Variants in NCBP1 observed in about 807,000 individuals in gnomAD.
NCBP1 encodes nuclear cap-binding protein subunit 1.
In NCBP1, 16 loss-of-function variants were observed where a neutral mutation model predicts 111.7. The observed-to-expected ratio is 0.14, with a 90% CI of 0.10 to 0.22. NCBP1 has a LOEUF of 0.22. NCBP1 is among the 10% of genes least tolerant of loss of function. NCBP1 has a pLI of 1.00. For missense variants in NCBP1, 607 were observed against 957.5 expected, an observed-to-expected ratio of 0.63 and a Z score of 4.83; for synonymous variants, 304 against 314.3, an observed-to-expected ratio of 0.97 and a Z score of 0.35.
At chr9:97,659,157 T>C (rs1827756227) in intron 15 of NCBP1, among the ~76,000 whole-genome samples, 1 of 152,262 alleles carries the variant, frequency 6.6e-6, no homozygotes. Context: ...TTTTCTTACC[T>C]TTTGGTCACA....
rs140571516 is a variant in NCBP1, at chr9:97,646,934, T to C, written c.612-558T>C. On this transcript the variant is annotated intron_variant, in intron 6 of 22. Coordinates refer to ENST00000375147, the MANE Select transcript of NCBP1 (RefSeq NM_002486.5). ...TGATAGCCCAATATACACACTGTTC[T>C]TCACTTGGCTTTTTTTTTTTTTCTT... is the stretch of plus-strand genomic sequence containing the variant. Among the ~76,000 whole-genome samples the C allele has an allele frequency of 8.3e-3, 1,246 of 150,494 alleles. 19 individuals carry two copies. Among genetic ancestry groups the C allele is most frequent in the African/African-American group, 0.028 (1,162 of 41,186 alleles).
In NCBP1 at chr9:97,636,488, A is replaced by ATATAAATTTATATTTATATAT. The variant is rs34147906; in HGVS notation, c.34+2599_34+2619dup. 2.9e-4 allele frequency among the ~76,000 whole-genome samples: 42 copies of ATATAAATTTATATTTATATAT among 143,724 alleles called. No individual in the cohort carries two copies. In the East Asian group the frequency reaches 4.7e-3, roughly 16 times the overall value. The allele number at this position is 143,724 out of a possible 152,430, so 94.3% of individuals were successfully genotyped here. On this transcript the variant is annotated intron_variant, in intron 1 of 22. Transcript: ENST00000375147. ...AATGTATTATATATATTTATATATT[A>ATATAAATTTATATTTATATAT]TATAAATTTATATTTATATATTATA...
In NCBP1 at chr9:97,650,620, A is replaced by G; in HGVS notation, c.995+20A>G. On this transcript the variant is annotated intron_variant, in intron 9 of 22. Coordinates refer to ENST00000375147, the MANE Select transcript of NCBP1 (RefSeq NM_002486.5). ...GACTTGGTAAGATTCTTTTCATGGTACTTTTAGAAGGGAGAGAAGCAGCAA... is the reference window on the plus strand; with the variant it reads ...GACTTGGTAAGATTCTTTTCATGGTGCTTTTAGAAGGGAGAGAAGCAGCAA... 2 of 1,597,450 alleles carry G rather than the reference A, an allele frequency of 1.3e-6. No homozygotes were observed. Among genetic ancestry groups the G allele is most frequent in the Non-Finnish European group, 8.6e-7 (1 of 1,166,838 alleles).
In NCBP1 at chr9:97,643,344, A is replaced by C; in HGVS notation, c.365A>C (p.Asn122Thr). The change falls in exon 4 of 23, where the codon AAT (asparagine) becomes ACT (threonine). Residue 122 changes from asparagine (N) to threonine (T), a missense_variant. Coordinates refer to ENST00000375147, the MANE Select transcript of NCBP1 (RefSeq NM_002486.5). ...LKESLKANNY[N>T]EAVYLVRFLS... Reference sequence around the variant, plus strand: ...GAATCATTGAAAGCAAACAATTATAATGAAGCCGTGTATTTGGTAAGTTAG... The same window carrying C: ...GAATCATTGAAAGCAAACAATTATACTGAAGCCGTGTATTTGGTAAGTTAG... The C allele has an allele frequency of 6.2e-7, 1 of 1,601,024 alleles. No individual in the cohort carries two copies. Among genetic ancestry groups the C allele is most frequent in the Non-Finnish European group, 8.5e-7 (1 of 1,175,956 alleles).
At chr9:97,664,209 A>G (rs1264176066) in intron 18 of NCBP1, 131 bp from the exon 19 acceptor site, 2 of 536,688 alleles carry the variant, frequency 3.7e-6, no homozygotes, top group Admixed American at 3.2e-5. Flanking sequence ...AGATTGATCA[A>G]TCAATTCCAT....
intron 8 of NCBP1, 149 bp from the exon 9 acceptor site, chr9:97,650,354 C>T: frequency 6.2e-6 from 3 of 484,006 alleles, no homozygotes; most frequent in Non-Finnish European, 1.1e-5. Context: ...ATGGAATTTC[C>T]TGAAATATAG....
chr9:97,635,876 G>A (rs1474191755), intron 1 of NCBP1: 1 of 152,144 alleles, frequency 6.6e-6, no homozygotes, highest in Non-Finnish European at 1.5e-5. Context: ...CCTAAAGAGA[G>A]AGGAAATGTC....
At chr9:97,640,118 TTAGGATA>T (rs1827164887) in intron 1 of NCBP1, among the ~76,000 whole-genome samples, 1 of 152,142 alleles carries the variant, frequency 6.6e-6, no homozygotes, top group Non-Finnish European at 1.5e-5. Context: ...TTCCCATTAT[TTAGGATA>T]AACTATACCG....
intron 1 of NCBP1, 31 bp downstream of exon 1, chr9:97,633,946 G>C: frequency 6.4e-7 from 1 of 1,565,458 alleles, no homozygotes; most frequent in Non-Finnish European, 8.6e-7. Context: ...CACGGAGGCC[G>C]CTCCCGGTTG....
chr9:97,645,015 A>G (rs1414215302), intron 4 of NCBP1, 102 bp from the exon 5 acceptor site: 17 of 807,432 alleles, frequency 2.1e-5, no homozygotes, highest in Middle Eastern at 2.4e-4. Context: ...CCCTTAGGCT[A>G]TAGTTTTTTA....
chr9:97,640,886 T>C lies in NCBP1; in HGVS notation c.123+4T>C, dbSNP rs1349593992. 2 of 1,582,904 alleles carry C rather than the reference T, an allele frequency of 1.3e-6. No individual in the cohort carries two copies. The highest frequency in any genetic ancestry group is 1.7e-6 in the Non-Finnish European group (2 of 1,156,628). On this transcript the variant is annotated splice_donor_region_variant and intron_variant, in intron 2 of 22. Coordinates refer to ENST00000375147, the MANE Select transcript of NCBP1 (RefSeq NM_002486.5). ...AATATGTAAAGTAGGAGAAAAGGTA[T>C]GTCACACAATAGGCACAGGCTGTGA...
intron 11 of NCBP1, 80 bp from the exon 12 acceptor site, chr9:97,654,800 A>ATTTC: frequency 8.3e-7 from 1 of 1,209,068 alleles, no homozygotes. Flanking sequence ...AAGACTTGAA[A>ATTTC]TGTTTTATTT....
Position 97,643,183 on chromosome 9 carries a change from T to G in NCBP1, c.225-21T>G, listed in dbSNP as rs3763606. On this transcript the variant is annotated intron_variant, in intron 3 of 22. Coordinates refer to ENST00000375147, the MANE Select transcript of NCBP1 (RefSeq NM_002486.5). ...CGCCATTGTTTTGGGGTTTTCTTGTTATACTGGGTTCTTAAATCAGTGCAC... is the reference window on the plus strand; with the variant it reads ...CGCCATTGTTTTGGGGTTTTCTTGTGATACTGGGTTCTTAAATCAGTGCAC... 6.7e-3 allele frequency: 10,404 copies of G among 1,557,212 alleles called. 577 individuals carry two copies. The Admixed American group carries it at 0.1, about 15-fold the overall frequency.
At chr9:97,640,423 ACAACT>A (rs1403207201) in intron 1 of NCBP1, among the ~76,000 whole-genome samples, 2 of 152,166 alleles carry the variant, frequency 1.3e-5, no homozygotes, top group Non-Finnish European at 2.9e-5. Context: ...GGATCAGTAA[ACAACT>A]CAAGTTAAAA....
At chr9:97,634,817 G>A (rs1371961841) in intron 1 of NCBP1, among the ~76,000 whole-genome samples, 1 of 152,170 alleles carries the variant, frequency 6.6e-6, no homozygotes, top group Admixed American at 6.5e-5. Context: ...GAACCAGAGG[G>A]TTTAGGTTCA....
rs780713423 is a variant in NCBP1 at position 97,669,548 on chromosome 9, A to G, written c.2146-45A>G. The G allele has an allele frequency of 2.1e-5, 29 of 1,369,168 alleles. 1 individual carries two copies. The South Asian group carries it at 3.1e-4, about 14-fold the overall frequency. The allele number at this position is 1,369,168 out of a possible 1,614,324, so 84.8% of individuals were successfully genotyped here. ...TGTCATGAATTTTTTTCCAAAGTAT[A>G]AGATTCTGTCTGTAGTACTACCTTA... On this transcript the variant is annotated intron_variant, in intron 21 of 22. Coordinates refer to ENST00000375147, the MANE Select transcript of NCBP1 (RefSeq NM_002486.5).
chr9:97,671,021 A>G, intron 22 of NCBP1, 65 bp from the exon 23 acceptor site: 3 of 1,086,344 alleles, frequency 2.8e-6, no homozygotes, highest in Non-Finnish European at 1.4e-6. Context: ...TGCTGAAGGA[A>G]ATGTTCCACA....
At chr9:97,645,881 G>C (rs1827317719) in intron 6 of NCBP1, 149 bp downstream of exon 6, 3 of 967,654 alleles carry the variant, frequency 3.1e-6, no homozygotes, top group Non-Finnish European at 4.5e-6. Flanking sequence ...AACTCACTGA[G>C]ACCTCAAAGT....
intron 1 of NCBP1, among the ~76,000 whole-genome samples, chr9:97,635,495 C>T (rs1021729413): frequency 1.7e-4 from 26 of 151,436 alleles, no homozygotes; most frequent in African/African-American, 6.4e-4. Flanking sequence ...ACTGCAACCT[C>T]CGCCTCTCAG....
Sources: gnomAD v4.1 joint callset for allele counts (sites outside exome capture counted in the v4.1 genomes callset) on GRCh38, gnomAD v4.1.1 for gene constraint, MANE v1.5 for transcripts, NCBI Gene and HGNC (gene_info 2026-07-23, HGNC 2026-07-21) for gene names.